GRM8: variants seen among roughly 807,000 people sequenced by gnomAD.
The protein encoded by GRM8 is glutamate metabotropic receptor 8.
GRM8 carries 47 observed loss-of-function variants against 87.2 expected under a neutral mutation model. The ratio of observed to expected loss-of-function variants is 0.54; its 90% CI spans 0.43 to 0.69. GRM8 has a LOEUF of 0.69. Ranked by LOEUF, GRM8 falls within the 30% of genes least tolerant of loss-of-function variation. GRM8 has a pLI of 0.00. For synonymous variants in GRM8, 396 were observed against 404.5 expected (o/e 0.98, Z 0.25); for missense variants, 1,019 against 1,139.2 (o/e 0.89, Z 1.52).
At chr7:127,003,800 G>A (rs1813985474) in intron 3 of GRM8, among the ~76,000 whole-genome samples, 1 of 151,670 alleles carries the variant, frequency 6.6e-6, no homozygotes, top group South Asian at 2.1e-4. Context: ...AAATAGATGG[G>A]AACTAAGACC....
At chr7:126,611,333 G>A (rs563182039) in intron 7 of GRM8, among the ~76,000 whole-genome samples, 58 of 152,202 alleles carry the variant, frequency 3.8e-4, no homozygotes, top group Non-Finnish European at 7.5e-4. Context: ...TTCTCATAGA[G>A]TTGTTGTGAG....
In GRM8 at chr7:126,438,611, C is replaced by G. The variant is rs1455186305; in HGVS notation, c.*508G>C. ...GAAACAACTCTCAACATTTGCAAAA[C>G]ATTCCTTTATTATTAGAAATAAATT... On this transcript the variant is annotated 3_prime_UTR_variant, in exon 11 of 11. Transcript: ENST00000339582. 6.6e-6 allele frequency: 1 copy of G among 152,660 alleles called. No homozygotes were observed. The highest frequency in any genetic ancestry group is 1.9e-4 in the East Asian group (1 of 5,146). The allele number at this position is 152,660 out of a possible 1,614,324, so 9.5% of individuals were successfully genotyped here.
chr7:127,026,974 C>T (rs957044681), intron 3 of GRM8, among the ~76,000 whole-genome samples: 4 of 152,128 alleles, frequency 2.6e-5, no homozygotes, highest in African/African-American at 7.2e-5. Flanking sequence ...TTAGGTCTTA[C>T]ATTTAAGTCT....
chr7:126,632,415 C>G (rs1446276556), intron 7 of GRM8, among the ~76,000 whole-genome samples: 1 of 152,106 alleles, frequency 6.6e-6, no homozygotes, highest in African/African-American at 2.4e-5. Context: ...GGAACAGGAA[C>G]ACTTTTACAC....
chr7:127,227,596 C>T (rs2237807), intron 2 of GRM8, among the ~76,000 whole-genome samples: 50,037 of 152,026 alleles, frequency 0.33, 8,540 homozygotes, highest in Middle Eastern at 0.44. Context: ...TACGGTGTTT[C>T]CCTAACATCC....
chr7:126,871,381 C>T (rs899284296), intron 6 of GRM8, among the ~76,000 whole-genome samples: 4 of 152,130 alleles, frequency 2.6e-5, no homozygotes, highest in African/African-American at 7.2e-5. Context: ...ATAGACGTTC[C>T]GGAGTGCCTT....
chr7:127,213,693 T>C (rs2116650453), intron 2 of GRM8, among the ~76,000 whole-genome samples: 1 of 152,332 alleles, frequency 6.6e-6, no homozygotes, highest in Middle Eastern at 3.4e-3. Flanking sequence ...AAATCACTGA[T>C]TCTTTCTTCA....
At chr7:127,119,518 G>A (rs915109705) in intron 2 of GRM8, among the ~76,000 whole-genome samples, 15 of 144,274 alleles carry the variant, frequency 1.0e-4, no homozygotes, top group Non-Finnish European at 1.5e-4. Context: ...ACACACACAT[G>A]CACACACACA....
At chr7:126,848,004 C>G (rs959197437) in intron 6 of GRM8, among the ~76,000 whole-genome samples, 1 of 152,090 alleles carries the variant, frequency 6.6e-6, no homozygotes, top group Admixed American at 6.5e-5. Context: ...ATGGAGAGAC[C>G]AGTTAGGAGG....
chr7:126,768,938 A>AAAAAAAAAAAAAAT (rs1818528798), intron 7 of GRM8, among the ~76,000 whole-genome samples: 1 of 148,064 alleles, frequency 6.8e-6, no homozygotes, highest in Non-Finnish European at 1.5e-5. Flanking sequence ...AAAAAAAAAA[A>AAAAAAAAAAAAAAT]AAATAAAGAA....
Position 126,904,077 on chromosome 7 carries a change from A to T in GRM8, c.913T>A (p.Trp305Arg). ...KKLNQSGHFL[W>R]IGSDSWGSKI... ...GATCCCCAACTATCTGAGCCAATCC[A>T]GAGAAAATGCCCACTTTGGTTTAGT... Residue 305 changes from tryptophan (W) to arginine (R), a missense_variant, in exon 5 of 11, where the codon TGG (tryptophan) becomes AGG (arginine). Coordinates refer to ENST00000339582, the MANE Select transcript of GRM8 (RefSeq NM_000845.3). The T allele has an allele frequency of 6.2e-7, 1 of 1,612,526 alleles. No homozygotes were observed.
At chr7:126,983,662 G>A (rs1223528086) in intron 3 of GRM8, among the ~76,000 whole-genome samples, 3 of 152,188 alleles carry the variant, frequency 2.0e-5, no homozygotes, top group Non-Finnish European at 2.9e-5. Context: ...CGGAGGTAAG[G>A]AAGGGTATGC....
At chr7:127,203,873 G>A (rs573883971) in intron 2 of GRM8, among the ~76,000 whole-genome samples, 136 of 151,052 alleles carry the variant, frequency 9.0e-4, no homozygotes, top group African/African-American at 3.2e-3. Context: ...ACAGAAGAAA[G>A]AGAAAAAAAA....
intron 6 of GRM8, among the ~76,000 whole-genome samples, chr7:126,883,462 G>T (rs1160392939): frequency 1.6e-4 from 24 of 152,100 alleles, no homozygotes; most frequent in Admixed American, 1.5e-3. Context: ...TCTTTTCTTT[G>T]TCCCTTTTGT....
chr7:127,129,999 G>A (rs1458216928), intron 2 of GRM8, among the ~76,000 whole-genome samples: 2 of 152,118 alleles, frequency 1.3e-5, no homozygotes, highest in South Asian at 4.1e-4. Context: ...GAATCATGGG[G>A]TCAGTTTCCC....
chr7:127,071,629 G>A (rs910931707), intron 3 of GRM8, among the ~76,000 whole-genome samples: 4 of 152,110 alleles, frequency 2.6e-5, no homozygotes, highest in East Asian at 1.9e-4. Context: ...CAACTCAGAC[G>A]TTTTTCCTAT....
intron 9 of GRM8, among the ~76,000 whole-genome samples, chr7:126,465,529 C>T (rs751762803): frequency 4.0e-5 from 6 of 151,422 alleles, no homozygotes; most frequent in African/African-American, 1.2e-4. Flanking sequence ...TTGTAGTTTT[C>T]GATGTAGAGG....
At chr7:126,473,566 G>A (rs979018049) in intron 9 of GRM8, among the ~76,000 whole-genome samples, 8 of 152,170 alleles carry the variant, frequency 5.3e-5, no homozygotes, top group African/African-American at 1.7e-4. Flanking sequence ...ACTTTGGACC[G>A]TGGACTTTTG....
intron 8 of GRM8, among the ~76,000 whole-genome samples, chr7:126,583,497 A>G (rs999594000): frequency 6.6e-6 from 1 of 152,174 alleles, no homozygotes; most frequent in Non-Finnish European, 1.5e-5. Flanking sequence ...GAAAGGCTTC[A>G]CCATTCTAGA....
Sources: gnomAD v4.1 joint callset for allele counts (sites outside exome capture counted in the v4.1 genomes callset) on GRCh38, gnomAD v4.1.1 for gene constraint, MANE v1.5 for transcripts, NCBI Gene and HGNC (gene_info 2026-07-23, HGNC 2026-07-21) for gene names.